Variants in INTS6 observed in about 807,000 individuals in gnomAD.
INTS6 encodes the protein DEAD box protein.
A neutral mutation model predicts 104.9 loss-of-function variants in INTS6; 16 were observed. The observed-to-expected ratio is 0.15, with a 90% confidence interval of 0.10 to 0.23. The LOEUF is 0.23. INTS6 is among the 10% of genes least tolerant of loss of function. The pLI is 1.00. For synonymous variants in INTS6, 324 were observed against 358.7 expected (o/e 0.90, Z 1.09); for missense variants, 584 against 1,062.8 (o/e 0.55, Z 6.26).
intron 17 of INTS6, among the ~76,000 whole-genome samples, chr13:51,366,390 A>G (rs1386884105): frequency 2.0e-5 from 3 of 152,062 alleles, no homozygotes; most frequent in Non-Finnish European, 2.9e-5. Context: ...TACAGAGTAT[A>G]GCAAGCAGTT....
chr13:51,344,488 A>G, the INTS6 span: 1 of 1,561,676 alleles, frequency 6.4e-7, no homozygotes, highest in Non-Finnish European at 8.7e-7. Flanking sequence ...GACTGCAGGT[A>G]AAAGAAAACT....
chr13:51,429,782 AAAAATATATAT>A (rs1283900338), intron 4 of INTS6, among the ~76,000 whole-genome samples: 3 of 130,586 alleles, frequency 2.3e-5, no homozygotes, highest in South Asian at 2.5e-4. Flanking sequence ...AAAAAAAAAA[AAAAATATATAT>A]ATATATATAT....
chr13:51,381,942 C>G (rs900060758), intron 10 of INTS6, 87 bp downstream of exon 10: 12 of 680,088 alleles, frequency 1.8e-5, no homozygotes, highest in Non-Finnish European at 1.9e-5. Flanking sequence ...ACCTCATGAT[C>G]CACCCGCCTC....
chr13:51,395,587 A>C (rs1956320559), intron 4 of INTS6, 104 bp from the exon 5 acceptor site: 1 of 954,572 alleles, frequency 1.0e-6, no homozygotes, highest in Non-Finnish European at 1.5e-6. Flanking sequence ...CTCTCCTATC[A>C]CTTGAAAAAC....
At chr13:51,381,631 T>C (rs771434215) in intron 10 of INTS6, among the ~76,000 whole-genome samples, 1 of 152,040 alleles carries the variant, frequency 6.6e-6, no homozygotes, top group Middle Eastern at 3.4e-3. Flanking sequence ...ATTTAATCTA[T>C]AAAAGCAATA....
chr13:51,347,328 G>A, the INTS6 span: 3,706 of 1,087,088 alleles, frequency 3.4e-3, 99 homozygotes, highest in African/African-American at 0.052. Context: ...CTAAGGGATC[G>A]GGATGTGTTT....
intron 5 of INTS6, among the ~76,000 whole-genome samples, chr13:51,391,084 G>T (rs1593696675): frequency 6.6e-6 from 1 of 152,066 alleles, no homozygotes; most frequent in East Asian, 1.9e-4. Flanking sequence ...GCATCTATAT[G>T]AAGTCATGCT....
intron 15 of INTS6, 55 bp downstream of exon 15, chr13:51,374,153 C>T: frequency 7.2e-7 from 1 of 1,396,948 alleles, no homozygotes. Flanking sequence ...AAATATCTTC[C>T]TTGAAAAGGA....
chr13:51,335,027 T>G, the INTS6 span, among the ~76,000 whole-genome samples: 3 of 148,696 alleles, frequency 2.0e-5, no homozygotes, highest in East Asian at 1.9e-4. Context: ...GCCGTAGTTA[T>G]GAAAGCAATT....
At chr13:51,398,634 T>C (rs1342397724) in intron 4 of INTS6, among the ~76,000 whole-genome samples, 3 of 151,740 alleles carry the variant, frequency 2.0e-5, no homozygotes, top group Non-Finnish European at 4.4e-5. Context: ...TGGAGAACAA[T>C]TGGATAGTAT....
Position 51,361,810 on chromosome 13 carries a change from C to T in INTS6, c.*3942G>A. 1 of 1,603,014 alleles carries T rather than the reference C, an allele frequency of 6.2e-7. No homozygotes were observed. Among genetic ancestry groups the T allele is most frequent in the East Asian group, 2.2e-5 (1 of 44,676 alleles). ...TGGAATTTTTCTTTCTTTCCTGCAG[C>T]TCTGTTGTTATTGAAAAGGTCTCGG... On this transcript the variant is annotated 3_prime_UTR_variant, in exon 18 of 18. Coordinates refer to ENST00000311234, the MANE Select transcript of INTS6 (RefSeq NM_012141.3).
chr13:51,445,498 G>C (rs972594060), intron 3 of INTS6: 8 of 152,110 alleles, frequency 5.3e-5, no homozygotes, highest in Non-Finnish European at 1.2e-4. Context: ...TGTCTAGTGA[G>C]ACATCCTAAT....
chr13:51,423,206 C>T, intron 4 of INTS6: 1 of 393,794 alleles, frequency 2.5e-6, no homozygotes, highest in Non-Finnish European at 4.4e-6. Flanking sequence ...TTAAAATATA[C>T]TTTCACAATT....
chr13:51,451,942 G>T, intron 2 of INTS6, 36 bp downstream of exon 2: 1 of 1,545,512 alleles, frequency 6.5e-7, no homozygotes, highest in Non-Finnish European at 8.9e-7. Flanking sequence ...GAACAGGGAA[G>T]GGAAGGGAGG....
intron 4 of INTS6, among the ~76,000 whole-genome samples, chr13:51,419,217 C>T (rs528253483): frequency 9.6e-4 from 146 of 152,274 alleles, no homozygotes; most frequent in Admixed American, 9.2e-4. Context: ...AAAAAACCTG[C>T]TCTTTGTATA....
downstream of INTS6, among the ~76,000 whole-genome samples, chr13:51,360,523 A>T (rs137983002): frequency 5.3e-5 from 8 of 152,172 alleles, no homozygotes; most frequent in African/African-American, 1.2e-4. Flanking sequence ...CTGTTTAAAA[A>T]TGGTTAATGA....
intron 4 of INTS6, among the ~76,000 whole-genome samples, chr13:51,428,759 T>A (rs1034939891): frequency 6.6e-6 from 1 of 152,182 alleles, no homozygotes; most frequent in Non-Finnish European, 1.5e-5. Flanking sequence ...TACAGAGCAT[T>A]CCAAGGCTAC....
Position 51,383,397 on chromosome 13 carries a change from C to G in INTS6, c.1112G>C (p.Ser371Thr). The G allele has an allele frequency of 6.2e-7, 1 of 1,614,030 alleles. No homozygotes were observed. Residue 371 changes from serine (S) to threonine (T), a missense_variant, in exon 9 of 18, where the codon AGT (serine) becomes ACT (threonine). Around this residue, in one of 5 missense-constraint regions of INTS6, gnomAD observed 144 missense variants for 348.7 expected, o/e 0.41. Transcript: ENST00000311234. ...LGHPFGYLKASTALNCVNLFV... is the reference protein window; with the variant it reads ...LGHPFGYLKATTALNCVNLFV... The stretch of plus-strand genomic sequence containing the variant: ...TAAGTTGACACAGTTCAGTGCTGTA[C>G]TGGCTTTCAAGTAACCAAAAGGATG...
At chr13:51,368,365 C>T (rs1464906009) in intron 16 of INTS6, among the ~76,000 whole-genome samples, 1 of 152,100 alleles carries the variant, frequency 6.6e-6, no homozygotes, top group African/African-American at 2.4e-5. Context: ...ACTCCAAGGA[C>T]TGATTTGTTC....
Sources: gnomAD v4.1 joint callset for allele counts (sites outside exome capture counted in the v4.1 genomes callset) on GRCh38, gnomAD v4.1.1 for gene constraint, gnomAD v4.1.1 regional missense constraint, MANE v1.5 for transcripts, NCBI Gene and HGNC (gene_info 2026-07-23, HGNC 2026-07-21) for gene names.